TTYH2: variants seen among roughly 807,000 people sequenced by gnomAD.
The protein encoded by TTYH2 is tweety family member 2.
In TTYH2, 49 loss-of-function variants were observed where a neutral mutation model predicts 68.3. That is an observed-to-expected ratio of 0.72 (90% CI 0.57 to 0.91). The LOEUF is 0.91. Ranked by LOEUF, TTYH2 falls within the 40% of genes least tolerant of loss-of-function variation. TTYH2 has a pLI of 0.00. For synonymous variants in TTYH2, 272 were observed against 300.8 expected, an observed-to-expected ratio of 0.90 and a Z score of 0.99; for missense variants, 631 against 700.4, an observed-to-expected ratio of 0.90 and a Z score of 1.12.
chr17:74,217,963 TGGGAGGCGTG>T lies in TTYH2; in HGVS notation c.129+4260_129+4269del, dbSNP rs200566204. On this transcript the variant is annotated intron_variant, in intron 1 of 13. Transcript: ENST00000269346. This position sits in a 1 kb window ranked among gnomAD's most constrained non-coding sequence, Gnocchi z 4.0. The stretch of plus-strand genomic sequence containing the variant: ...ACAAGGAGGTGGCTGCAGGGCACAG[TGGGAGGCGTG>T]GGGAGGCGTGGGAAATTGTCTTGGC... Among the ~76,000 whole-genome samples the T allele has an allele frequency of 8.9e-4, 136 of 152,158 alleles. 1 individual carries two copies. In the East Asian group the frequency reaches 0.017, roughly 19 times the overall value.
rs1160539655 is a variant in TTYH2 at position 74,261,561 on chromosome 17, T to A, written c.*1352T>A. The A allele has an allele frequency of 6.6e-6, 1 of 151,206 alleles. No individual in the cohort carries two copies. The highest frequency in any genetic ancestry group is 1.5e-5 in the Non-Finnish European group (1 of 67,782). The allele number at this position is 151,206 out of a possible 1,614,324, so 9.4% of individuals were successfully genotyped here. On this transcript the variant is annotated 3_prime_UTR_variant, in exon 14 of 14. Coordinates refer to ENST00000269346, the MANE Select transcript of TTYH2 (RefSeq NM_032646.6). ...GCCTGTTGAGGGACCAGAGTTGGGG[T>A]CTTTGGTGCTTCCAACCTCCTGCCA...
rs1567816894 is a variant in TTYH2 at position 74,241,181 on chromosome 17, G to C, written c.636-2193G>C. ...CACACCTATGATCCCAGCACTTTGG[G>C]AGGCTGAGGCAGGAGGATCTCTTGA... On this transcript the variant is annotated intron_variant, in intron 4 of 13. Transcript: ENST00000269346. The surrounding 1 kb of genome is among the most constrained non-coding windows in gnomAD (Gnocchi z 4.1). 6.6e-6 allele frequency among the ~76,000 whole-genome samples: 1 copy of C among 152,096 alleles called. No individual in the cohort carries two copies. Among genetic ancestry groups the C allele is most frequent in the East Asian group, 1.9e-4 (1 of 5,194 alleles).
At chr17:74,225,028 G>C in intron 2 of TTYH2, among the ~76,000 whole-genome samples, 1 of 151,504 alleles carries the variant, frequency 6.6e-6, no homozygotes, top group Admixed American at 6.6e-5. Flanking sequence ...AAAAAACTAA[G>C]GAGAGAGCTC....
intron 2 of TTYH2, among the ~76,000 whole-genome samples, chr17:74,226,531 C>T (rs1269196978): frequency 1.3e-5 from 2 of 152,112 alleles, no homozygotes; most frequent in Admixed American, 1.3e-4. Context: ...GACACAGGAA[C>T]AGCCAGATTG....
intron 10 of TTYH2, 169 bp from the exon 11 acceptor site, chr17:74,252,065 T>A: frequency 1.3e-6 from 1 of 776,670 alleles, no homozygotes; most frequent in South Asian, 1.7e-5. Flanking sequence ...CCCCATTGTG[T>A]TAGGCTCCAG....
chr17:74,234,605 T>C (rs377694212), intron 3 of TTYH2, among the ~76,000 whole-genome samples: 3 of 152,226 alleles, frequency 2.0e-5, no homozygotes, highest in Non-Finnish European at 4.4e-5. Flanking sequence ...TGGGAAAATA[T>C]CAGGAAGAAA....
chr17:74,255,414 C>T (rs2050683397), intron 13 of TTYH2, among the ~76,000 whole-genome samples: 2 of 152,212 alleles, frequency 1.3e-5, no homozygotes. Context: ...CCACCTTCTC[C>T]ACAGAGCTGT....
rs1443824392 is a variant in TTYH2, at chr17:74,234,289, TG to T, written c.415-3004del. ...CCTCTAGACCGTGGTCTCCGCCACC[TG>T]TAGCTCGTCCCTAAGTCTGCCCAGC... On this transcript the variant is annotated intron_variant, in intron 3 of 13. Transcript: ENST00000269346. 3.3e-5 allele frequency among the ~76,000 whole-genome samples: 5 copies of T among 152,324 alleles called. 1 individual carries two copies. The highest frequency in any genetic ancestry group is 3.3e-4 in the Admixed American group (5 of 15,298).
chr17:74,215,088 G>T lies in TTYH2; in HGVS notation c.129+1372G>T, dbSNP rs1471893634. Among the ~76,000 whole-genome samples, 1 of 152,038 alleles carries T rather than the reference G, an allele frequency of 6.6e-6. No homozygotes were observed. The highest frequency in any genetic ancestry group is 3.2e-3 in the Middle Eastern group (1 of 316). ...GTGGGAGTCTGTGTTCCCTGAGAATGTGGCTGCCTGGGGATAGCTCCAGGG... is the reference window on the plus strand; with the variant it reads ...GTGGGAGTCTGTGTTCCCTGAGAATTTGGCTGCCTGGGGATAGCTCCAGGG... On this transcript the variant is annotated intron_variant, in intron 1 of 13. Transcript: ENST00000269346. This position sits in a 1 kb window ranked among gnomAD's most constrained non-coding sequence, Gnocchi z 4.3.
intron 2 of TTYH2, among the ~76,000 whole-genome samples, chr17:74,224,788 TCAGGAGTTCGA>T (rs1376501337): frequency 3.9e-5 from 6 of 152,030 alleles, no homozygotes; most frequent in Non-Finnish European, 8.8e-5. Context: ...TCACTTGAGG[TCAGGAGTTCGA>T]CACCAGCCTG....
chr17:74,215,662 C>T lies in TTYH2; in HGVS notation c.129+1946C>T. On this transcript the variant is annotated intron_variant, in intron 1 of 13. Coordinates refer to ENST00000269346, the MANE Select transcript of TTYH2 (RefSeq NM_032646.6). The surrounding 1 kb of genome is among the most constrained non-coding windows in gnomAD (Gnocchi z 4.3). ...TGAGTAGGAGATGAGCGTGGTGGGCCAGGACCGGAAGTCTGGCTCTGGGTG... is the reference window on the plus strand; with the variant it reads ...TGAGTAGGAGATGAGCGTGGTGGGCTAGGACCGGAAGTCTGGCTCTGGGTG... 1 of 1,535,696 alleles carries T rather than the reference C, an allele frequency of 6.5e-7. No individual in the cohort carries two copies.
intron 2 of TTYH2, among the ~76,000 whole-genome samples, chr17:74,223,293 G>C (rs1369638851): frequency 8.2e-6 from 1 of 121,990 alleles, no homozygotes; most frequent in Admixed American, 7.4e-5. Flanking sequence ...TTTGGGGGGC[G>C]GGGGGTGGGC....
chr17:74,253,698 TAC>T (rs1473341003), intron 12 of TTYH2, 55 bp from the exon 13 acceptor site: 23 of 1,573,056 alleles, frequency 1.5e-5, no homozygotes, highest in Non-Finnish European at 2.0e-5. Flanking sequence ...TGTAGAAATC[TAC>T]ACACACCCCC....
intron 3 of TTYH2, among the ~76,000 whole-genome samples, chr17:74,236,819 C>G (rs1276434811): frequency 6.6e-6 from 1 of 152,040 alleles, no homozygotes; most frequent in Non-Finnish European, 1.5e-5. Context: ...AGTCCTTCCT[C>G]CAGGGGCACA....
chr17:74,245,078 C>T (rs1414985237), intron 6 of TTYH2, among the ~76,000 whole-genome samples: 4 of 152,164 alleles, frequency 2.6e-5, no homozygotes, highest in Non-Finnish European at 5.9e-5. Context: ...CACACTCACA[C>T]CTCGTCCAGT....
chr17:74,242,218 G>T (rs1323101886), intron 4 of TTYH2, among the ~76,000 whole-genome samples: 1 of 152,142 alleles, frequency 6.6e-6, no homozygotes, highest in Non-Finnish European at 1.5e-5. Flanking sequence ...AAGGCCAGAG[G>T]AATGAAGGGC....
intron 1 of TTYH2, among the ~76,000 whole-genome samples, chr17:74,218,614 T>C (rs529429247): frequency 4.0e-5 from 6 of 151,702 alleles, no homozygotes; most frequent in East Asian, 3.9e-4. Flanking sequence ...AGAAACCTAA[T>C]TGAGGCCAGC....
rs1039036730 is a variant in TTYH2, at chr17:74,241,075, T to C, written c.636-2299T>C. 1.3e-5 allele frequency: 2 copies of C among 152,078 alleles called. No individual in the cohort carries two copies. The highest frequency in any genetic ancestry group is 1.3e-4 in the Admixed American group (2 of 15,256). The allele number at this position is 152,078 out of a possible 1,614,324, so 9.4% of individuals were successfully genotyped here. ...CTTGCAGGAAGCTTGATGTAGACAA[T>C]GTGGAATTTCTGGGCCAGGCTCTCC... On this transcript the variant is annotated intron_variant, in intron 4 of 13. Transcript: ENST00000269346. This position sits in a 1 kb window ranked among gnomAD's most constrained non-coding sequence, Gnocchi z 4.1.
At chr17:74,254,081 C>T (rs1463984054) in intron 13 of TTYH2, among the ~76,000 whole-genome samples, 2 of 152,230 alleles carry the variant, frequency 1.3e-5, no homozygotes. Flanking sequence ...TGTCATCCAG[C>T]AAGAGGACTT....
Sources: gnomAD v4.1 joint callset for allele counts (sites outside exome capture counted in the v4.1 genomes callset) on GRCh38, gnomAD v4.1.1 for gene constraint, Gnocchi (gnomAD v3.1) non-coding constraint, MANE v1.5 for transcripts, NCBI Gene and HGNC (gene_info 2026-07-23, HGNC 2026-07-21) for gene names.